Variants in CFAP54 observed in about 807,000 individuals in gnomAD.
The protein encoded by CFAP54 is cilia- and flagella-associated protein 54.
Under a neutral mutation model 370.4 loss-of-function variants are expected in CFAP54, and 290 were observed. The ratio of observed to expected loss-of-function variants is 0.78; its 90% CI spans 0.71 to 0.86. The LOEUF is 0.86. Ranked by LOEUF, CFAP54 falls within the 40% of genes least tolerant of loss-of-function variation. CFAP54 has a pLI of 0.00. For missense variants in CFAP54, 3,399 were observed against 3,528.7 expected (o/e 0.96, Z 0.93); for synonymous variants, 1,206 against 1,236.5 (o/e 0.98, Z 0.52).
At chr12:96,526,013 A>C (rs1162347855) in intron 8 of CFAP54, among the ~76,000 whole-genome samples, 1 of 152,158 alleles carries the variant, frequency 6.6e-6, no homozygotes, top group Non-Finnish European at 1.5e-5. Context: ...ATGTCAGTTG[A>C]TCTATGGATT....
intron 25 of CFAP54, among the ~76,000 whole-genome samples, chr12:96,596,153 A>G (rs921081645): frequency 6.6e-6 from 1 of 152,192 alleles, no homozygotes; most frequent in African/African-American, 2.4e-5. Flanking sequence ...ACTCGGATAG[A>G]AAAGAAAACA....
At chr12:96,764,003 T>C (rs919557032) in intron 58 of CFAP54, 148 bp from the exon 59 acceptor site, 1 of 509,470 alleles carries the variant, frequency 2.0e-6, no homozygotes, top group Non-Finnish European at 3.4e-6. Context: ...CACTTTTCTT[T>C]CCTCAATGTA....
chr12:96,555,454 T>A (rs538174880), intron 17 of CFAP54, among the ~76,000 whole-genome samples: 1 of 151,568 alleles, frequency 6.6e-6, no homozygotes. Flanking sequence ...AATAAAGATA[T>A]AAGGATTGGA....
At chr12:96,605,068 T>C (rs1289100464) in intron 26 of CFAP54, among the ~76,000 whole-genome samples, 1 of 152,230 alleles carries the variant, frequency 6.6e-6, no homozygotes, top group Non-Finnish European at 1.5e-5. Context: ...TTGATCTTGC[T>C]TGGAGCTGTA....
At chr12:96,763,064 C>T (rs1420179929) in intron 58 of CFAP54, among the ~76,000 whole-genome samples, 1 of 151,866 alleles carries the variant, frequency 6.6e-6, no homozygotes, top group African/African-American at 2.4e-5. Context: ...GAATTAGCAC[C>T]CGTGGGGCTA....
At chr12:96,845,540 A>G (rs1959316799) in intron 66 of CFAP54, among the ~76,000 whole-genome samples, 1 of 152,188 alleles carries the variant, frequency 6.6e-6, no homozygotes, top group Non-Finnish European at 1.5e-5. Context: ...ACAAAGACCC[A>G]ACCCCACCAC....
In CFAP54 at chr12:96,817,887, G is replaced by C. The variant is rs1473461626; in HGVS notation, c.9070G>C (p.Glu3024Gln). 1 of 1,499,212 alleles carries C rather than the reference G, an allele frequency of 6.7e-7. No individual in the cohort carries two copies. Among genetic ancestry groups the C allele is most frequent in the Non-Finnish European group, 8.9e-7 (1 of 1,128,716 alleles). The allele number at this position is 1,499,212 out of a possible 1,614,324, so 92.9% of individuals were successfully genotyped here. Reference protein sequence around the residue: ...NENIYEVEVEEESVDNEMEDM... With the variant: ...NENIYEVEVEQESVDNEMEDM... The stretch of plus-strand genomic sequence containing the variant: ...AAACATATATGAAGTAGAAGTGGAA[G>C]AGGAATCAGTTGATAATGAAATGGA... The change falls in exon 65 of 68, where the codon GAG becomes CAG. Residue 3024 changes from glutamate (E) to glutamine (Q), a missense_variant. Glu to Gln is a conservative substitution (Grantham distance 29, BLOSUM62 2). Coordinates refer to ENST00000524981, the MANE Select transcript of CFAP54 (RefSeq NM_001306084.2).
chr12:96,584,939 G>A (rs1956061832), intron 22 of CFAP54, among the ~76,000 whole-genome samples: 3 of 152,182 alleles, frequency 2.0e-5, no homozygotes, highest in African/African-American at 7.2e-5. Context: ...GCTATAAATG[G>A]AGATCAGCTG....
intron 60 of CFAP54, among the ~76,000 whole-genome samples, chr12:96,774,432 G>A (rs534448946): frequency 1.3e-4 from 20 of 152,112 alleles, no homozygotes; most frequent in Admixed American, 3.9e-4. Context: ...TGTGACAAGC[G>A]GATATAAATT....
rs749661776 is a variant in CFAP54 at position 96,649,887 on chromosome 12, G to A, written c.4691-4G>A. On this transcript the variant is annotated splice_region_variant and splice_polypyrimidine_tract_variant and intron_variant, in intron 34 of 67. Coordinates refer to ENST00000524981, the MANE Select transcript of CFAP54 (RefSeq NM_001306084.2). ...TCATGTCATATCTTATTTTTGTACTGTAGATGCTGAAGAATTTTCTACATT... is the reference window on the plus strand; with the variant it reads ...TCATGTCATATCTTATTTTTGTACTATAGATGCTGAAGAATTTTCTACATT... 6.4e-7 allele frequency: 1 copy of A among 1,574,604 alleles called. No homozygotes were observed.
chr12:96,676,728 T>C (rs1205466416), intron 39 of CFAP54, among the ~76,000 whole-genome samples: 2 of 152,058 alleles, frequency 1.3e-5, no homozygotes, highest in African/African-American at 4.8e-5. Context: ...GTATTTTTAG[T>C]AGAGATGGGG....
At chr12:96,554,561 C>A in intron 16 of CFAP54, 115 bp from the exon 17 acceptor site, 1 of 1,162,812 alleles carries the variant, frequency 8.6e-7, no homozygotes. Context: ...GAGAAGTGAG[C>A]AGAATGTAAT....
intron 26 of CFAP54, among the ~76,000 whole-genome samples, chr12:96,608,262 A>G (rs1167433530): frequency 1.3e-5 from 2 of 151,810 alleles, no homozygotes; most frequent in Non-Finnish European, 1.5e-5. Flanking sequence ...TGAGCAGGTA[A>G]AGATTTTTGG....
At chr12:96,583,580 C>A (rs1275517222) in intron 22 of CFAP54, among the ~76,000 whole-genome samples, 3 of 152,176 alleles carry the variant, frequency 2.0e-5, no homozygotes, top group Non-Finnish European at 2.9e-5. Context: ...TATAATAACT[C>A]CATGAGGTAG....
intron 58 of CFAP54, 135 bp downstream of exon 58, chr12:96,757,723 C>T (rs1958279228): frequency 1.9e-6 from 1 of 524,620 alleles, no homozygotes; most frequent in Non-Finnish European, 3.4e-6. Flanking sequence ...TTTGTAGTTA[C>T]ACTTGTAACT....
At chr12:96,534,260 G>T (rs935180027) in intron 11 of CFAP54, 33 bp downstream of exon 11, 3 of 1,242,928 alleles carry the variant, frequency 2.4e-6, no homozygotes, top group Non-Finnish European at 3.3e-6. Context: ...AAAAAATTTA[G>T]TTTGACGAAA....
rs998293268 is a variant in CFAP54, at chr12:96,644,372, C to T, written c.4511C>T (p.Thr1504Met). The stretch of plus-strand genomic sequence containing the variant: ...GTTTTACAAAAGCTATGGGAGTGTA[C>T]GAAGATGAAATTTGGCACATCACAT... Reference protein sequence around the residue: ...NLVLQKLWECTKMKFGTSHMM... With the variant: ...NLVLQKLWECMKMKFGTSHMM... Residue 1504 changes from threonine (T) to methionine (M), a missense_variant, in exon 33 of 68, where the codon ACG becomes ATG. By Grantham distance (81) the Thr-to-Met change is moderately conservative (BLOSUM62 -1). Around this residue, in one of 3 missense-constraint regions of CFAP54, gnomAD observed 2,796 missense variants for 2,869.7 expected, o/e 0.97. Coordinates refer to ENST00000524981, the MANE Select transcript of CFAP54 (RefSeq NM_001306084.2). The T allele has an allele frequency of 1.0e-5, 16 of 1,535,494 alleles. No homozygotes were observed. Among genetic ancestry groups the T allele is most frequent in the African/African-American group, 5.5e-5 (4 of 72,948 alleles).
chr12:96,738,885 C>T (rs1239625036), intron 50 of CFAP54, among the ~76,000 whole-genome samples: 1 of 152,218 alleles, frequency 6.6e-6, no homozygotes, highest in Non-Finnish European at 1.5e-5. Context: ...GCTGGGATTA[C>T]AGGCGTGAGC....
At chr12:96,546,621 G>C (rs1194650240) in intron 14 of CFAP54, among the ~76,000 whole-genome samples, 1 of 152,162 alleles carries the variant, frequency 6.6e-6, no homozygotes, top group African/African-American at 2.4e-5. Flanking sequence ...ATGAGGTCAG[G>C]AGTTCAAGAC....
Sources: allele counts gnomAD v4.1 joint callset (sites outside exome capture counted in the v4.1 genomes callset), GRCh38; gene constraint gnomAD v4.1.1; regional missense constraint gnomAD v4.1.1; transcripts MANE v1.5; gene names NCBI Gene and HGNC (gene_info 2026-07-23, HGNC 2026-07-21).